Variants in SLC5A9 observed in about 807,000 individuals in gnomAD.
SLC5A9 encodes the protein solute carrier family 5 member 9, also known as sodium/glucose cotransporter 4.
SLC5A9 carries 59 observed loss-of-function variants against 70.9 expected under a neutral mutation model. The observed-to-expected ratio is 0.83, with a 90% confidence interval of 0.68 to 1.03. The LOEUF is 1.03. Ranked by LOEUF, SLC5A9 falls within the 50% of genes least tolerant of loss-of-function variation. The pLI is 0.00. For synonymous variants in SLC5A9, 340 were observed against 346.5 expected (o/e 0.98, Z 0.21); for missense variants, 832 against 881.1 (o/e 0.94, Z 0.71).
chr1:48,236,176 A>C (rs1644324512), intron 10 of SLC5A9, among the ~76,000 whole-genome samples: 1 of 152,224 alleles, frequency 6.6e-6, no homozygotes, highest in Non-Finnish European at 1.5e-5. Flanking sequence ...GTGTAAGTGC[A>C]TGGAAAGTTA....
At position 48,242,604 on chromosome 1, in the gene SLC5A9, G is replaced by A. The variant is rs375773416; in HGVS notation, c.1825G>A (p.Glu609Lys). The A allele has an allele frequency of 1.9e-6, 3 of 1,611,048 alleles. No individual in the cohort carries two copies. The South Asian group carries it at 3.3e-5, about 18-fold the overall frequency. ...GAAENSSLGQ[E>K]QPEAPSRSWG... ...GGCAGAGAACTCGAGCCTGGGCCAGGAGCAGCCTGAAGGTAGGCTGCGGCA... is the reference window on the plus strand; with the variant it reads ...GGCAGAGAACTCGAGCCTGGGCCAGAAGCAGCCTGAAGGTAGGCTGCGGCA... Residue 609 changes from glutamate to lysine, a missense_variant, in exon 13 of 14, where the codon GAG becomes AAG. Transcript: ENST00000438567.
chr1:48,247,716 A>G lies in SLC5A9; in HGVS notation c.*173A>G. 1 of 660,072 alleles carries G rather than the reference A, an allele frequency of 1.5e-6. No homozygotes were observed. Among genetic ancestry groups the G allele is most frequent in the East Asian group, 2.7e-5 (1 of 36,556 alleles). 40.9% of individuals were successfully genotyped at this position (660,072 alleles called of 1,614,324 possible). On this transcript the variant is annotated 3_prime_UTR_variant, in exon 14 of 14. Coordinates refer to ENST00000438567, the MANE Select transcript of SLC5A9 (RefSeq NM_001011547.3). ...CTGCACACTTGACAAGTGGAGAAAC[A>G]GAAGCCCAGAGAGAGCACTGGGTTT... is the stretch of plus-strand genomic sequence containing the variant.
At position 48,247,478 on chromosome 1, in the gene SLC5A9, G is replaced by T; in HGVS notation, c.1981G>T (p.Val661Phe). ...SIEEEPLWRHVCNINAVLLLA... is the reference protein window; with the variant it reads ...SIEEEPLWRHFCNINAVLLLA... ...TGAGGAGGAGCCACTCTGGAGACAT[G>T]TCTGCAACATCAATGCTGTCCTTTT... Residue 661 changes from valine (V) to phenylalanine (F), a missense_variant, in exon 14 of 14, where the codon GTC (valine) becomes TTC (phenylalanine). Transcript: ENST00000438567. The T allele has an allele frequency of 6.2e-7, 1 of 1,614,170 alleles. No individual in the cohort carries two copies. The highest frequency in any genetic ancestry group is 8.5e-7 in the Non-Finnish European group (1 of 1,180,036).
intron 13 of SLC5A9, among the ~76,000 whole-genome samples, chr1:48,245,077 T>A (rs867707273): frequency 8.5e-5 from 12 of 140,444 alleles, no homozygotes; most frequent in South Asian, 2.3e-4. Context: ...CCTGAGACTT[T>A]TATATATATA....
chr1:48,241,906 T>C, intron 12 of SLC5A9: 1 of 456,254 alleles, frequency 2.2e-6, no homozygotes, highest in South Asian at 1.5e-5. Context: ...CAGTCAGTCA[T>C]GGTGTCCTGA....
At chr1:48,241,239 A>G (rs1644387215) in intron 12 of SLC5A9, 1 of 152,390 alleles carries the variant, frequency 6.6e-6, no homozygotes, top group South Asian at 2.1e-4. Context: ...ATCTACAGCC[A>G]AAACCCCTCT....
Position 48,247,839 on chromosome 1 carries a change from C to G in SLC5A9, c.*296C>G, listed in dbSNP as rs746504280. 2 of 429,938 alleles carry G rather than the reference C, an allele frequency of 4.7e-6. No homozygotes were observed. The highest frequency in any genetic ancestry group is 8.5e-6 in the Non-Finnish European group (2 of 234,950). The allele number at this position is 429,938 out of a possible 1,614,324, so 26.6% of individuals were successfully genotyped here. ...TCAAACACACTGTTTCCACCCTCTT[C>G]TTGAATGTATTCAGTAGCCTTTACT... is the stretch of plus-strand genomic sequence containing the variant. On this transcript the variant is annotated 3_prime_UTR_variant, in exon 14 of 14. Coordinates refer to ENST00000438567, the MANE Select transcript of SLC5A9 (RefSeq NM_001011547.3).
intron 2 of SLC5A9, chr1:48,228,630 A>G: frequency 1.5e-6 from 1 of 677,072 alleles, no homozygotes; most frequent in Non-Finnish European, 2.3e-6. Flanking sequence ...ACCTGGAGCC[A>G]TGAATTCATC....
chr1:48,227,047 TGC>T (rs1644158378), intron 2 of SLC5A9, among the ~76,000 whole-genome samples: 1 of 151,974 alleles, frequency 6.6e-6, no homozygotes, highest in Non-Finnish European at 1.5e-5. Context: ...TGTGTGTGTG[TGC>T]TTTGCGAATG....
At chr1:48,226,688 C>T (rs1569811795) in intron 2 of SLC5A9, among the ~76,000 whole-genome samples, 1 of 152,240 alleles carries the variant, frequency 6.6e-6, no homozygotes, top group African/African-American at 2.4e-5. Context: ...GTCGCCCGTC[C>T]TCTTCCAGAG....
chr1:48,226,170 G>T (rs1553128462), intron 2 of SLC5A9, among the ~76,000 whole-genome samples: 1 of 151,972 alleles, frequency 6.6e-6, no homozygotes, highest in African/African-American at 2.4e-5. Flanking sequence ...TTCTCATCAG[G>T]AAAAAGGAAA....
intron 8 of SLC5A9, 135 bp downstream of exon 8, chr1:48,232,637 C>T (rs1644266169): frequency 1.2e-5 from 14 of 1,178,394 alleles, no homozygotes; most frequent in African/African-American, 4.6e-5. Context: ...AATACATAGC[C>T]GGTCATGGTG....
intron 2 of SLC5A9, among the ~76,000 whole-genome samples, chr1:48,227,087 G>A (rs1315438825): frequency 1.3e-5 from 2 of 152,120 alleles, no homozygotes; most frequent in South Asian, 4.1e-4. Flanking sequence ...ATACCTGTGC[G>A]TGTGAGGGCA....
At chr1:48,224,062 T>C (rs943050088) in intron 1 of SLC5A9, among the ~76,000 whole-genome samples, 4 of 152,228 alleles carry the variant, frequency 2.6e-5, no homozygotes, top group African/African-American at 9.6e-5. Flanking sequence ...GGCTTTTGCA[T>C]CTGAATAGCT....
rs1644476157 is a variant in SLC5A9, at chr1:48,247,769, C to CG, written c.*230dup. 3 of 580,764 alleles carry CG rather than the reference C, an allele frequency of 5.2e-6. No homozygotes were observed. The highest frequency in any genetic ancestry group is 9.2e-6 in the Non-Finnish European group (3 of 325,300). The allele number at this position is 580,764 out of a possible 1,614,324, so 36.0% of individuals were successfully genotyped here. A position where few individuals can be genotyped will look rare whatever the true frequency, so the allele number is the denominator to read the frequency against. On this transcript the variant is annotated 3_prime_UTR_variant, in exon 14 of 14. Transcript: ENST00000438567. ...TCAGGACCACCCAGAAGGTGTCACA[C>CG]GGGGTTTCCCCACTCTTTCTGATAT...
At chr1:48,224,240 C>G (rs1225097545) in intron 1 of SLC5A9, among the ~76,000 whole-genome samples, 1 of 152,182 alleles carries the variant, frequency 6.6e-6, no homozygotes, top group East Asian at 1.9e-4. Flanking sequence ...AACTCCAAAA[C>G]AGTACCCATA....
At chr1:48,235,407 C>T (rs1222419933) in intron 9 of SLC5A9, among the ~76,000 whole-genome samples, 3 of 152,128 alleles carry the variant, frequency 2.0e-5, no homozygotes, top group Non-Finnish European at 4.4e-5. Flanking sequence ...GTCGAAGCTT[C>T]AGAGAACCTT....
chr1:48,237,310 G>A (rs1266657232), intron 10 of SLC5A9, among the ~76,000 whole-genome samples: 1 of 135,508 alleles, frequency 7.4e-6, no homozygotes, highest in Non-Finnish European at 1.5e-5. Context: ...ACAGGGCAGG[G>A]ATGGAAAAGA....
chr1:48,247,538 G>A lies in SLC5A9; in HGVS notation c.2041G>A (p.Ala681Thr), dbSNP rs531016028. ...CAACATCTTCCTCTGGGGCTATTTT[G>A]CGTGATTCCACAGACCTGGCTTCAG... ...AINIFLWGYF[A>T] Residue 681 changes from alanine to threonine, a missense_variant, in exon 14 of 14, where the codon GCG becomes ACG. Coordinates refer to ENST00000438567, the MANE Select transcript of SLC5A9 (RefSeq NM_001011547.3). The A allele has an allele frequency of 6.8e-5, 109 of 1,614,064 alleles. No individual in the cohort carries two copies. The highest frequency in any genetic ancestry group is 8.8e-5 in the Non-Finnish European group (104 of 1,180,030).
Sources: gnomAD v4.1 joint callset for allele counts (sites outside exome capture counted in the v4.1 genomes callset) on GRCh38, gnomAD v4.1.1 for gene constraint, MANE v1.5 for transcripts, NCBI Gene and HGNC (gene_info 2026-07-23, HGNC 2026-07-21) for gene names.